The following CCDC33 variants were observed in gnomAD, a reference collection of about 807,000 sequenced individuals.
CCDC33 encodes coiled-coil domain-containing protein 33.
CCDC33 carries 94 observed loss-of-function variants against 91.9 expected under a neutral mutation model. The ratio of observed to expected loss-of-function variants is 1.02; its 90% confidence interval spans 0.87 to 1.21. The LOEUF (loss-of-function observed/expected upper bound fraction) is 1.21, where lower values mean the gene tolerates loss of function less well. CCDC33 is among the 50% of genes most tolerant of loss of function. CCDC33 has a pLI of 0.00. For synonymous variants in CCDC33, 396 were observed against 374.5 expected, an observed-to-expected ratio of 1.06 and a Z score of -0.66; for missense variants, 940 against 935.5, an observed-to-expected ratio of 1.00 and a Z score of -0.06.
At chr15:74,293,611 A>T (rs1275668081) in intron 10 of CCDC33, among the ~76,000 whole-genome samples, 2 of 152,146 alleles carry the variant, frequency 1.3e-5, no homozygotes, top group African/African-American at 4.8e-5. Context: ...GGAGCCTCCA[A>T]GTGAAGCCTG....
chr15:74,229,282 C>T (rs1158993421), intron 2 of CCDC33, among the ~76,000 whole-genome samples: 1 of 152,262 alleles, frequency 6.6e-6, no homozygotes, highest in East Asian at 1.9e-4. Context: ...CACTTGAGGT[C>T]AGGAGTTCGA....
intron 3 of CCDC33, among the ~76,000 whole-genome samples, chr15:74,264,977 CAA>C (rs1205669017): frequency 6.6e-6 from 1 of 152,208 alleles, no homozygotes; most frequent in Non-Finnish European, 1.5e-5. Context: ...AAGCCAACCT[CAA>C]CACCTTCAGT....
chr15:74,234,761 G>A (rs1235649639), upstream of CCDC33, among the ~76,000 whole-genome samples: 1 of 152,244 alleles, frequency 6.6e-6, no homozygotes, highest in Non-Finnish European at 1.5e-5. Flanking sequence ...GAGCCCCGGG[G>A]ACTGAGGCAG....
intron 2 of CCDC33, among the ~76,000 whole-genome samples, chr15:74,222,534 C>T (rs372840759): frequency 1.4e-5 from 2 of 143,990 alleles, no homozygotes; most frequent in Non-Finnish European, 3.0e-5. Flanking sequence ...TTTTTCTTTT[C>T]TTTTTTTTTT....
At chr15:74,306,075 G>C (rs2059889118) in intron 11 of CCDC33, among the ~76,000 whole-genome samples, 1 of 152,144 alleles carries the variant, frequency 6.6e-6, no homozygotes, top group Non-Finnish European at 1.5e-5. Flanking sequence ...AGACTGAGGG[G>C]GATGACGGAA....
chr15:74,333,144 A>G, intron 16 of CCDC33: 1 of 1,217,384 alleles, frequency 8.2e-7, no homozygotes, highest in Non-Finnish European at 1.2e-6. Flanking sequence ...CCTGGACCCT[A>G]CACAGGCCTC....
chr15:74,321,931 G>A (rs2060215321), intron 11 of CCDC33, among the ~76,000 whole-genome samples: 1 of 152,010 alleles, frequency 6.6e-6, no homozygotes, highest in Non-Finnish European at 1.5e-5. Flanking sequence ...TGGCAGATGA[G>A]GAGTGCCAGG....
At chr15:74,263,599 G>C (rs995695018) in intron 3 of CCDC33, among the ~76,000 whole-genome samples, 5 of 152,226 alleles carry the variant, frequency 3.3e-5, no homozygotes, top group African/African-American at 1.2e-4. Flanking sequence ...AGGTGGAGCT[G>C]TTGGGATGCT....
At chr15:74,329,189 G>A (rs1487965453) in intron 11 of CCDC33, among the ~76,000 whole-genome samples, 1 of 151,156 alleles carries the variant, frequency 6.6e-6, no homozygotes, top group African/African-American at 2.5e-5. Context: ...CATGCACATG[G>A]GCAGGCATGA....
chr15:74,333,849 G>A (rs2060494737), intron 16 of CCDC33, 32 bp from the exon 17 acceptor site: 1 of 1,571,918 alleles, frequency 6.4e-7, no homozygotes, highest in Non-Finnish European at 8.7e-7. Context: ...CCTCCAGCTG[G>A]GGCCAAATGT....
At chr15:74,280,534 G>A (rs1014355073) in intron 8 of CCDC33, 134 bp from the exon 9 acceptor site, 2 of 971,710 alleles carry the variant, frequency 2.1e-6, no homozygotes, top group African/African-American at 3.3e-5. Context: ...GATGAGAAGA[G>A]GATGTATGTG....
At chr15:74,330,582 T>C (rs2060410073) in intron 12 of CCDC33, 81 bp from the exon 13 acceptor site, 2 of 1,252,474 alleles carry the variant, frequency 1.6e-6, no homozygotes, top group Admixed American at 1.7e-5. Context: ...CCAAGGGATA[T>C]CTGCCTTCCT....
At chr15:74,217,347 C>A in exon 1 of CCDC33, 1 of 1,290,120 alleles carries the variant, frequency 7.8e-7, no homozygotes, top group Non-Finnish European at 1.0e-6. Context: ...GGAGAAGACG[C>A]TGGATCTGGA....
intron 10 of CCDC33, among the ~76,000 whole-genome samples, chr15:74,292,922 A>G (rs2059612087): frequency 6.6e-6 from 1 of 152,052 alleles, no homozygotes; most frequent in Admixed American, 6.5e-5. Context: ...ACTGGTCTGG[A>G]CTGAGGGGTT....
intron 11 of CCDC33, chr15:74,318,563 T>C (rs374297804): frequency 4.3e-6 from 3 of 703,682 alleles, no homozygotes; most frequent in African/African-American, 3.7e-5. Context: ...GGACCCATCC[T>C]GGGGAACAGG....
chr15:74,266,536 AC>A (rs1234555983), intron 3 of CCDC33, 141 bp from the exon 4 acceptor site: 4 of 676,148 alleles, frequency 5.9e-6, no homozygotes, highest in Middle Eastern at 3.8e-4. Context: ...GGTGATCCAC[AC>A]ATGTGTGTGC....
intron 11 of CCDC33, among the ~76,000 whole-genome samples, chr15:74,315,133 G>T (rs569721645): frequency 6.6e-6 from 1 of 152,348 alleles, no homozygotes; most frequent in South Asian, 2.1e-4. Flanking sequence ...GATGGGATGT[G>T]GGCTCAGTGG....
intron 9 of CCDC33, among the ~76,000 whole-genome samples, chr15:74,281,451 A>G (rs1336043649): frequency 6.6e-6 from 1 of 152,258 alleles, no homozygotes; most frequent in African/African-American, 2.4e-5. Context: ...ACAAGAATGA[A>G]TAATATCGTT....
chr15:74,229,949 G>A (rs1426209836), intron 2 of CCDC33, among the ~76,000 whole-genome samples: 2 of 152,236 alleles, frequency 1.3e-5, no homozygotes, highest in Non-Finnish European at 2.9e-5. Flanking sequence ...GAGGTCGGGT[G>A]GGGGAAGGTT....
Sources: gnomAD v4.1 joint callset for allele counts (sites outside exome capture counted in the v4.1 genomes callset) on GRCh38, gnomAD v4.1.1 for gene constraint, MANE v1.5 for transcripts, NCBI Gene and HGNC (gene_info 2026-07-23, HGNC 2026-07-21) for gene names.